The following BDNF variants were observed in gnomAD, a reference collection of about 807,000 sequenced individuals.
The protein encoded by BDNF is neurotrophic factor BDNF precursor form.
In BDNF, 1 loss-of-function variant was observed where a neutral mutation model predicts 19.5. The observed-to-expected ratio is 0.05, with a 90% CI of 0.02 to 0.24. The LOEUF (loss-of-function observed/expected upper bound fraction) is 0.24, where lower values mean the gene tolerates loss of function less well. BDNF is among the 10% of genes least tolerant of loss of function. The pLI, the probability that BDNF is intolerant of heterozygous loss-of-function variation, is 1.00. For missense variants in BDNF, 195 were observed against 317.6 expected (o/e 0.61, Z 2.93); for synonymous variants, 100 against 121.6 (o/e 0.82, Z 1.17).
At chr11:27,700,519 C>CGGGGGGGG, upstream of BDNF, 2 of 759,762 alleles carry the variant, frequency 2.6e-6, no homozygotes, top group Non-Finnish European at 2.9e-6. Flanking sequence ...CAAACGGCGC[C>CGGGGGGGG]GCCCCCCCCC....
intron 1 of BDNF, among the ~76,000 whole-genome samples, chr11:27,685,799 G>T (rs1008294514): frequency 5.0e-5 from 4 of 79,590 alleles, no homozygotes; most frequent in African/African-American, 1.9e-4. Context: ...TGCATTTGCT[G>T]AGGAGTGTTT....
exon 1 of BDNF, chr11:27,721,959 T>A (rs1030813918): frequency 1.9e-5 from 3 of 154,212 alleles, no homozygotes; most frequent in Non-Finnish European, 1.4e-5. Flanking sequence ...GAGATTTCCC[T>A]GTCGCCAGGT....
chr11:27,674,263 G>A (rs1412971032), intron 1 of BDNF: 3 of 1,571,548 alleles, frequency 1.9e-6, no homozygotes, highest in Non-Finnish European at 2.6e-6. Flanking sequence ...CACTCATGGA[G>A]AAAACTGGTG....
chr11:27,701,796 A>G (rs1859911689), upstream of BDNF, among the ~76,000 whole-genome samples: 1 of 152,214 alleles, frequency 6.6e-6, no homozygotes, highest in South Asian at 2.1e-4. Context: ...AGGGCATTGC[A>G]TGCTTTTGCA....
At chr11:27,687,666 C>G (rs1441142781) in intron 1 of BDNF, among the ~76,000 whole-genome samples, 1 of 152,224 alleles carries the variant, frequency 6.6e-6, no homozygotes, top group African/African-American at 2.4e-5. Flanking sequence ...TCAGGCCCCT[C>G]TGCTGCAGGT....
Position 27,665,240 on chromosome 11 carries a change from T to G in BDNF, c.-21-6655A>C, listed in dbSNP as rs570323976. 11 of 152,292 alleles carry G rather than the reference T, an allele frequency of 7.2e-5. No individual in the cohort carries two copies. In the East Asian group the frequency reaches 2.1e-3, roughly 29 times the overall value. The allele number at this position is 152,292 out of a possible 1,614,324, so 9.4% of individuals were successfully genotyped here. On this transcript the variant is annotated intron_variant, in intron 1 of 1. Coordinates refer to ENST00000356660, the MANE Select transcript of BDNF (RefSeq NM_001709.5). ...ACAGTGACATTAATTAAGAAGATAATTTCCAATTTGTTCCATGAAGTTTCA... is the reference window on the plus strand; with the variant it reads ...ACAGTGACATTAATTAAGAAGATAAGTTCCAATTTGTTCCATGAAGTTTCA...
At chr11:27,720,366 C>T in intron 1 of BDNF, 2 of 985,950 alleles carry the variant, frequency 2.0e-6, no homozygotes, top group Non-Finnish European at 2.4e-6. Flanking sequence ...GCTTACACCA[C>T]CCCGGTGGCT....
intron 1 of BDNF, among the ~76,000 whole-genome samples, chr11:27,662,777 C>T (rs867773773): frequency 1.8e-4 from 27 of 152,314 alleles, no homozygotes; most frequent in Middle Eastern, 3.4e-3. Flanking sequence ...TTTGCTCACC[C>T]GCCGCTCACT....
At position 27,656,886 on chromosome 11, in the gene BDNF, T is replaced by TA; in HGVS notation, c.*934_*935insT. The stretch of plus-strand genomic sequence containing the variant: ...CAATGTGTTCACTTGTTCACAGCAG[T>TA]GGTAAAATATTTCAGAACGCGCAAC... On this transcript the variant is annotated 3_prime_UTR_variant, in exon 2 of 2. Transcript: ENST00000356660. The TA allele has an allele frequency of 1.0e-6, 1 of 985,218 alleles. No homozygotes were observed. The highest frequency in any genetic ancestry group is 1.2e-6 in the Non-Finnish European group (1 of 829,868). 61.0% of individuals were successfully genotyped at this position (985,218 alleles called of 1,614,324 possible).
In BDNF at chr11:27,656,972, G is replaced by A; in HGVS notation, c.*849C>T. On this transcript the variant is annotated 3_prime_UTR_variant, in exon 2 of 2. Coordinates refer to ENST00000356660, the MANE Select transcript of BDNF (RefSeq NM_001709.5). ...CCAGAGGGGGAGGGGGGGAAAGAAT[G>A]TGTTCTGAGCAAACATAGGTCCTTC... 5.1e-6 allele frequency: 5 copies of A among 985,382 alleles called. No homozygotes were observed. The highest frequency in any genetic ancestry group is 6.0e-6 in the Non-Finnish European group (5 of 829,944). 61.0% of individuals were successfully genotyped at this position (985,382 alleles called of 1,614,324 possible).
upstream of BDNF, among the ~76,000 whole-genome samples, chr11:27,702,084 A>G (rs1197060432): frequency 6.6e-6 from 1 of 152,112 alleles, no homozygotes; most frequent in Non-Finnish European, 1.5e-5. Flanking sequence ...GACATTTTCA[A>G]TTATCCATTT....
chr11:27,675,666 G>A (rs1184999148), intron 1 of BDNF: 1 of 152,194 alleles, frequency 6.6e-6, no homozygotes, highest in Non-Finnish European at 1.5e-5. Context: ...CTTCGGGAAT[G>A]TGGCTAAGGG....
At chr11:27,698,900 TC>T (rs1054844699) in intron 1 of BDNF, among the ~76,000 whole-genome samples, 8 of 152,042 alleles carry the variant, frequency 5.3e-5, no homozygotes, top group African/African-American at 1.9e-4. Flanking sequence ...ACACCGCCAA[TC>T]GAGGCTTATC....
rs149499278 is a variant in BDNF, at chr11:27,708,887, G to A, written c.3+12525C>T. On this transcript the variant is annotated intron_variant, in intron 1 of 1. Coordinates refer to the BDNF transcript ENST00000314915. Reference sequence around the variant, plus strand: ...TCTGTCACCCAGACTGGAGTGCAATGGCGCAATCTTGGCTCACTGCAACCT... The same window carrying A: ...TCTGTCACCCAGACTGGAGTGCAATAGCGCAATCTTGGCTCACTGCAACCT... Among the ~76,000 whole-genome samples, 692 of 131,670 alleles carry A rather than the reference G, an allele frequency of 5.3e-3. 4 individuals are homozygous for A. The highest frequency in any genetic ancestry group is 0.019 in the African/African-American group (656 of 34,316). The allele number at this position is 131,670 out of a possible 152,430, so 86.4% of individuals were successfully genotyped here.
chr11:27,706,952 C>T (rs1232092190), intron 1 of BDNF, among the ~76,000 whole-genome samples: 1 of 152,194 alleles, frequency 6.6e-6, no homozygotes, highest in Non-Finnish European at 1.5e-5. Context: ...TTTTCCCCCT[C>T]AACAAAATTG....
chr11:27,673,977 C>A, intron 1 of BDNF: 1 of 1,422,086 alleles, frequency 7.0e-7, no homozygotes, highest in South Asian at 1.6e-5. Context: ...CAAAGAATAA[C>A]ACTCCTTTTC....
chr11:27,721,602 A>G (rs1457086691), exon 1 of BDNF: 2 of 675,734 alleles, frequency 3.0e-6, no homozygotes, highest in Non-Finnish European at 5.3e-6. Context: ...TAAACTCTCA[A>G]CCACCTTGGC....
At chr11:27,708,537 A>G (rs911366083) in intron 1 of BDNF, among the ~76,000 whole-genome samples, 1 of 151,826 alleles carries the variant, frequency 6.6e-6, no homozygotes, top group African/African-American at 2.4e-5. Flanking sequence ...TCATATTGTT[A>G]TTTATATGAT....
At chr11:27,699,241 A>T in intron 1 of BDNF, 1 of 1,218,540 alleles carries the variant, frequency 8.2e-7, no homozygotes, top group Non-Finnish European at 1.2e-6. Context: ...ACACACAAAC[A>T]CTGCATCCTC....
Sources: gnomAD v4.1 joint callset for allele counts (sites outside exome capture counted in the v4.1 genomes callset) on GRCh38, gnomAD v4.1.1 for gene constraint, MANE v1.5 for transcripts, NCBI Gene and HGNC (gene_info 2026-07-23, HGNC 2026-07-21) for gene names.